The following GNA14 variants were observed in gnomAD, a reference collection of about 807,000 sequenced individuals.
The protein encoded by GNA14 is G protein subunit alpha 14.
GNA14 carries 50 observed loss-of-function variants against 42.0 expected under a neutral mutation model. The observed-to-expected ratio is 1.19, with a 90% CI of 0.95 to 1.51. The LOEUF is 1.51. Ranked by LOEUF, GNA14 falls within the 40% of genes most tolerant of loss-of-function variation. The pLI is 0.00. For synonymous variants in GNA14, 173 were observed against 163.1 expected, an observed-to-expected ratio of 1.06 and a Z score of -0.46; for missense variants, 473 against 446.2, an observed-to-expected ratio of 1.06 and a Z score of -0.54.
In GNA14 at chr9:77,647,941, G is replaced by C; in HGVS notation, c.-148C>G. ...ACTTGAGCTTTGGAGTAAGACGCCT[G>C]GACCTCCGAGGCTCAATCCCCCTTC... On this transcript the variant is annotated 5_prime_UTR_variant, in exon 1 of 7. Transcript: ENST00000341700. 1 of 861,878 alleles carries C rather than the reference G, an allele frequency of 1.2e-6. No homozygotes were observed. The allele number at this position is 861,878 out of a possible 1,614,324, so 53.4% of individuals were successfully genotyped here. A position where few individuals can be genotyped will look rare whatever the true frequency, so the allele number is the denominator to read the frequency against.
rs564966987 is a variant in GNA14 at position 77,507,945 on chromosome 9, T to C, written c.309+21124A>G. On this transcript the variant is annotated intron_variant, in intron 2 of 6. Coordinates refer to ENST00000341700, the MANE Select transcript of GNA14 (RefSeq NM_004297.4). ...ATTGGCCAGGCTGGTCTCAAACTCC[T>C]GACCTCAGGTGATCCACCCGCCTCG... is the stretch of plus-strand genomic sequence containing the variant. Among the ~76,000 whole-genome samples, 5 of 152,312 alleles carry C rather than the reference T, an allele frequency of 3.3e-5. No homozygotes were observed. The South Asian group carries it at 1.0e-3, about 32-fold the overall frequency.
At chr9:77,429,087 G>A (rs774375175) in intron 4 of GNA14, 51 bp from the exon 5 acceptor site, 53 of 1,574,752 alleles carry the variant, frequency 3.4e-5, no homozygotes, top group South Asian at 1.0e-4. Context: ...ATGACACTTC[G>A]GGGAAAAAGG....
chr9:77,570,828 C>T (rs936199722), intron 1 of GNA14, among the ~76,000 whole-genome samples: 3 of 151,560 alleles, frequency 2.0e-5, no homozygotes, highest in South Asian at 2.1e-4. Flanking sequence ...TTTCTAAAGT[C>T]GATGTATCAT....
At chr9:77,442,237 T>C (rs1297156844) in intron 2 of GNA14, among the ~76,000 whole-genome samples, 2 of 152,128 alleles carry the variant, frequency 1.3e-5, no homozygotes, top group Admixed American at 1.3e-4. Flanking sequence ...GATGGGCGTG[T>C]GATGCATGCC....
intron 2 of GNA14, among the ~76,000 whole-genome samples, chr9:77,475,797 T>C (rs1470644348): frequency 6.6e-6 from 1 of 152,166 alleles, no homozygotes; most frequent in Non-Finnish European, 1.5e-5. Flanking sequence ...GCTGCCCTTG[T>C]TCAACAGACA....
At chr9:77,554,385 G>A (rs1036078139) in intron 1 of GNA14, among the ~76,000 whole-genome samples, 4 of 152,126 alleles carry the variant, frequency 2.6e-5, no homozygotes, top group Admixed American at 1.3e-4. Flanking sequence ...ATCCCCTCTT[G>A]GTTATGAGCA....
intron 2 of GNA14, among the ~76,000 whole-genome samples, chr9:77,498,112 G>A (rs113157316): frequency 2.4e-3 from 370 of 152,176 alleles, no homozygotes; most frequent in Non-Finnish European, 4.5e-3. Flanking sequence ...AGTGGCTCAC[G>A]CCTGTAATCC....
intron 2 of GNA14, among the ~76,000 whole-genome samples, chr9:77,455,593 G>A (rs79513539): frequency 0.043 from 6,556 of 152,080 alleles, 250 homozygotes; most frequent in African/African-American, 0.1. Flanking sequence ...CTTTTCCCTC[G>A]GCTTATATTT....
At chr9:77,538,115 G>C (rs1837619603) in intron 1 of GNA14, among the ~76,000 whole-genome samples, 1 of 146,446 alleles carries the variant, frequency 6.8e-6, no homozygotes, top group Non-Finnish European at 1.5e-5. Flanking sequence ...CTGTTGCCCA[G>C]CCCAGAGTGC....
intron 1 of GNA14, among the ~76,000 whole-genome samples, chr9:77,550,758 G>C (rs933467309): frequency 2.0e-5 from 3 of 152,220 alleles, no homozygotes; most frequent in African/African-American, 7.2e-5. Flanking sequence ...AGGTGGAAAT[G>C]AGATGGGCTT....
chr9:77,525,649 C>T (rs1265442826), intron 2 of GNA14, among the ~76,000 whole-genome samples: 4 of 151,840 alleles, frequency 2.6e-5, no homozygotes, highest in South Asian at 2.1e-4. Flanking sequence ...CGCCATTCTC[C>T]TACCTCAGCC....
intron 1 of GNA14, among the ~76,000 whole-genome samples, chr9:77,548,867 G>C (rs1837755776): frequency 6.6e-6 from 1 of 152,114 alleles, no homozygotes; most frequent in Non-Finnish European, 1.5e-5. Context: ...TGTGGACCCA[G>C]AGATCCCTTC....
chr9:77,446,460 T>C (rs972753165), intron 2 of GNA14, among the ~76,000 whole-genome samples: 4 of 152,240 alleles, frequency 2.6e-5, no homozygotes, highest in African/African-American at 9.6e-5. Context: ...CGAGTCATGC[T>C]GTGTCTCTCA....
At chr9:77,462,394 T>C (rs1836123610) in intron 2 of GNA14, among the ~76,000 whole-genome samples, 2 of 152,092 alleles carry the variant, frequency 1.3e-5, no homozygotes, top group Non-Finnish European at 2.9e-5. Flanking sequence ...CCTTTCCTGG[T>C]CCTTTCTGCA....
chr9:77,594,895 G>C (rs1823440948), intron 1 of GNA14, among the ~76,000 whole-genome samples: 1 of 152,210 alleles, frequency 6.6e-6, no homozygotes, highest in Admixed American at 6.5e-5. Flanking sequence ...CAAGCAAGGA[G>C]AGACTCATGT....
At chr9:77,512,233 T>C (rs1186988136) in intron 2 of GNA14, among the ~76,000 whole-genome samples, 1 of 152,162 alleles carries the variant, frequency 6.6e-6, no homozygotes, top group African/African-American at 2.4e-5. Context: ...AATTATACAC[T>C]CCACACCCCC....
intron 1 of GNA14, among the ~76,000 whole-genome samples, chr9:77,632,068 C>G: frequency 6.6e-6 from 1 of 152,186 alleles, no homozygotes; most frequent in East Asian, 1.9e-4. Context: ...AGCTGCAGAC[C>G]CAGGCACCCC....
intron 2 of GNA14, among the ~76,000 whole-genome samples, chr9:77,503,755 T>C (rs1837012989): frequency 6.6e-6 from 1 of 151,612 alleles, no homozygotes; most frequent in African/African-American, 2.4e-5. Flanking sequence ...CCCACCGAGT[T>C]CAAGCCTCAC....
intron 2 of GNA14, among the ~76,000 whole-genome samples, chr9:77,476,623 G>C (rs1032887756): frequency 1.3e-5 from 2 of 152,196 alleles, no homozygotes; most frequent in African/African-American, 2.4e-5. Context: ...TCTCCTGAAG[G>C]CTTAATAAAA....
Sources: allele counts gnomAD v4.1 joint callset (sites outside exome capture counted in the v4.1 genomes callset), GRCh38; gene constraint gnomAD v4.1.1; transcripts MANE v1.5; gene names NCBI Gene and HGNC (gene_info 2026-07-23, HGNC 2026-07-21).